The following SUGCT variants were observed in gnomAD, a reference collection of about 807,000 sequenced individuals.
SUGCT encodes the protein succinyl-CoA:glutarate-CoA transferase, also known as succinyl-CoA:glutarate CoA-transferase.
SUGCT carries 41 observed loss-of-function variants against 55.0 expected under a neutral mutation model. The ratio of observed to expected loss-of-function variants is 0.74; its 90% CI spans 0.58 to 0.97. The LOEUF is 0.97. SUGCT is among the 50% of genes least tolerant of loss of function. SUGCT has a pLI of 0.00. For missense variants in SUGCT, 568 were observed against 547.8 expected (o/e 1.04, Z -0.37); for synonymous variants, 187 against 200.4 (o/e 0.93, Z 0.56).
chr7:40,880,975 A>G, the SUGCT span, among the ~76,000 whole-genome samples: 8 of 152,238 alleles, frequency 5.3e-5, no homozygotes, highest in African/African-American at 1.7e-4. Context: ...AATGATTATG[A>G]GGCCAAGTTG....
intron 12 of SUGCT, among the ~76,000 whole-genome samples, chr7:40,656,559 T>G (rs1801027047): frequency 6.6e-6 from 1 of 152,336 alleles, no homozygotes. Flanking sequence ...GATGTGAAAC[T>G]GATTCCCTAC....
the SUGCT span, among the ~76,000 whole-genome samples, chr7:40,975,895 A>T: frequency 6.6e-6 from 1 of 152,240 alleles, no homozygotes; most frequent in Non-Finnish European, 1.5e-5. Flanking sequence ...AAGTAAGAGT[A>T]GCTTCTGAGA....
At position 40,434,178 on chromosome 7, in the gene SUGCT, A is replaced by C. The variant is rs561135538; in HGVS notation, c.817-15109A>C. On this transcript the variant is annotated intron_variant, in intron 9 of 13. Transcript: ENST00000335693. Reference sequence around the variant, plus strand: ...TCCTAGTTGGTCTAAATTTTGTTGCAAACCTTACATAACACTCTCATGACC... The same window carrying C: ...TCCTAGTTGGTCTAAATTTTGTTGCCAACCTTACATAACACTCTCATGACC... 1.8e-4 allele frequency among the ~76,000 whole-genome samples: 27 copies of C among 152,320 alleles called. No individual in the cohort carries two copies. The South Asian group carries it at 5.4e-3, about 30-fold the overall frequency.
intron 7 of SUGCT, among the ~76,000 whole-genome samples, chr7:40,261,126 C>T (rs1791197015): frequency 6.6e-6 from 1 of 152,086 alleles, no homozygotes; most frequent in South Asian, 2.1e-4. Flanking sequence ...TCTATAGGGA[C>T]TGGACTTTTT....
intron 12 of SUGCT, among the ~76,000 whole-genome samples, chr7:40,566,003 A>ACGCGCG (rs1284043120): frequency 6.1e-5 from 9 of 147,352 alleles, no homozygotes; most frequent in African/African-American, 2.3e-4. Context: ...GCACACACAC[A>ACGCGCG]CACACACACA....
intron 12 of SUGCT, among the ~76,000 whole-genome samples, chr7:40,517,264 T>C (rs1290698700): frequency 1.3e-5 from 2 of 151,844 alleles, no homozygotes; most frequent in Non-Finnish European, 2.9e-5. Flanking sequence ...TAGGATTTTT[T>C]AAATGTAAGC....
chr7:40,846,500 T>C (rs1464082586), intron 13 of SUGCT, among the ~76,000 whole-genome samples: 2 of 152,182 alleles, frequency 1.3e-5, no homozygotes, highest in Non-Finnish European at 2.9e-5. Context: ...ATGAATAGTA[T>C]TTCCTTATGG....
intron 8 of SUGCT, among the ~76,000 whole-genome samples, chr7:40,290,832 A>C (rs183839420): frequency 1.3e-5 from 2 of 152,216 alleles, no homozygotes; most frequent in Non-Finnish European, 2.9e-5. Flanking sequence ...AATCCCATCA[A>C]AAAGTGGGTG....
chr7:40,868,699 C>T, the SUGCT span, among the ~76,000 whole-genome samples: 1 of 152,198 alleles, frequency 6.6e-6, no homozygotes, highest in East Asian at 1.9e-4. Flanking sequence ...GCATGCACCA[C>T]CATGCACAGC....
intron 12 of SUGCT, among the ~76,000 whole-genome samples, chr7:40,714,554 C>G (rs1471349756): frequency 2.6e-5 from 4 of 152,118 alleles, no homozygotes; most frequent in Non-Finnish European, 4.4e-5. Flanking sequence ...GCCCTTACTC[C>G]CCAAATGAAA....
chr7:40,848,849 C>T (rs1284567795), intron 13 of SUGCT, among the ~76,000 whole-genome samples: 1 of 152,120 alleles, frequency 6.6e-6, no homozygotes, highest in African/African-American at 2.4e-5. Flanking sequence ...AGTTAAATAG[C>T]TTTCTCTGTT....
chr7:40,906,751 T>C, the SUGCT span, among the ~76,000 whole-genome samples: 1 of 152,192 alleles, frequency 6.6e-6, no homozygotes, highest in Non-Finnish European at 1.5e-5. Context: ...CTGGAACCGA[T>C]ATCCCATGGA....
chr7:40,377,409 A>C (rs1363045203), intron 9 of SUGCT, among the ~76,000 whole-genome samples: 1 of 150,488 alleles, frequency 6.6e-6, no homozygotes, highest in African/African-American at 2.4e-5. Flanking sequence ...CACCCAGCTA[A>C]TTTTTGTATT....
At chr7:40,713,706 A>T (rs1349998631) in intron 12 of SUGCT, among the ~76,000 whole-genome samples, 1 of 152,194 alleles carries the variant, frequency 6.6e-6, no homozygotes, top group African/African-American at 2.4e-5. Flanking sequence ...CCTTCTCTGC[A>T]CTTACACATC....
chr7:40,489,022 A>G (rs1182218121), intron 11 of SUGCT, among the ~76,000 whole-genome samples: 1 of 151,876 alleles, frequency 6.6e-6, no homozygotes, highest in Non-Finnish European at 1.5e-5. Flanking sequence ...CAGGCTTGGG[A>G]GGTTTCCTGC....
At chr7:40,366,023 G>T (rs1783938343) in intron 9 of SUGCT, among the ~76,000 whole-genome samples, 2 of 152,166 alleles carry the variant, frequency 1.3e-5, no homozygotes, top group African/African-American at 2.4e-5. Flanking sequence ...TTACTACGAG[G>T]CTACAGTTAC....
intron 13 of SUGCT, among the ~76,000 whole-genome samples, chr7:40,784,684 C>T (rs1789930163): frequency 6.6e-6 from 1 of 152,076 alleles, no homozygotes; most frequent in Non-Finnish European, 1.5e-5. Context: ...GAATGTTAAA[C>T]AATGTTATTT....
chr7:40,368,858 C>A (rs1784143646), intron 9 of SUGCT, among the ~76,000 whole-genome samples: 1 of 152,012 alleles, frequency 6.6e-6, no homozygotes, highest in Non-Finnish European at 1.5e-5. Flanking sequence ...AATTCCAGTA[C>A]TTTGGGAGGC....
chr7:40,377,203 CTTTTCTT>C (rs1296459386), intron 9 of SUGCT, among the ~76,000 whole-genome samples: 13 of 11,960 alleles, frequency 1.1e-3, no homozygotes, highest in South Asian at 0.01. Flanking sequence ...TCTTTCTTTT[CTTTTCTT>C]TTCTTTCTTT....
Sources: gnomAD v4.1 joint callset for allele counts (sites outside exome capture counted in the v4.1 genomes callset) on GRCh38, gnomAD v4.1.1 for gene constraint, MANE v1.5 for transcripts, NCBI Gene and HGNC (gene_info 2026-07-23, HGNC 2026-07-21) for gene names.